CSMD3: variants seen among roughly 807,000 people sequenced by gnomAD.
CSMD3 encodes CUB and Sushi multiple domains 3.
A neutral mutation model predicts 435.2 loss-of-function variants in CSMD3; 177 were observed. The ratio of observed to expected loss-of-function variants is 0.41; its 90% confidence interval spans 0.36 to 0.46. The LOEUF is 0.46. Ranked by LOEUF, CSMD3 falls within the 20% of genes least tolerant of loss-of-function variation. The pLI, the probability that CSMD3 is intolerant of heterozygous loss-of-function variation, is 0.34. For missense variants in CSMD3, 4,265 were observed against 4,504.6 expected, an observed-to-expected ratio of 0.95 and a Z score of 1.52; for synonymous variants, 1,656 against 1,520.5, an observed-to-expected ratio of 1.09 and a Z score of -2.07.
In CSMD3 at chr8:112,717,103, A is replaced by C. The variant is rs201150552; in HGVS notation, c.1973-27053T>G. ...TTAAGCTAAAGAGCTTCTGCACAGC[A>C]AAAGAAACTATCATCAGAGTGAACA... On this transcript the variant is annotated intron_variant, in intron 13 of 70. Transcript: ENST00000297405. Among the ~76,000 whole-genome samples, 5 of 152,310 alleles carry C rather than the reference A, an allele frequency of 3.3e-5. No individual in the cohort carries two copies. The East Asian group carries it at 9.7e-4, about 29-fold the overall frequency.
At chr8:113,341,672 C>A (rs934492237) in intron 1 of CSMD3, among the ~76,000 whole-genome samples, 1 of 151,908 alleles carries the variant, frequency 6.6e-6, no homozygotes, top group Non-Finnish European at 1.5e-5. Context: ...ATTTGATTCC[C>A]GAAGGAGTTA....
chr8:113,220,394 C>A (rs541086870), intron 3 of CSMD3, among the ~76,000 whole-genome samples: 2 of 151,506 alleles, frequency 1.3e-5, no homozygotes, highest in African/African-American at 4.8e-5. Flanking sequence ...AAGACAGTCA[C>A]AAGCATACAG....
At chr8:112,622,042 G>A (rs2131519786) in intron 22 of CSMD3, among the ~76,000 whole-genome samples, 1 of 152,074 alleles carries the variant, frequency 6.6e-6, no homozygotes, top group South Asian at 2.1e-4. Flanking sequence ...TAAAAGCAGT[G>A]GAAGAACACA....
chr8:112,277,571 C>T (rs537858423), intron 59 of CSMD3, among the ~76,000 whole-genome samples: 1 of 152,178 alleles, frequency 6.6e-6, no homozygotes, highest in Non-Finnish European at 1.5e-5. Context: ...AGTTCCAAAG[C>T]CACTTCTACA....
intron 1 of CSMD3, among the ~76,000 whole-genome samples, chr8:113,409,767 G>A (rs1236027290): frequency 6.6e-6 from 1 of 151,962 alleles, no homozygotes; most frequent in East Asian, 1.9e-4. Flanking sequence ...ACCTATTTGT[G>A]TTCTGGATCA....
intron 3 of CSMD3, among the ~76,000 whole-genome samples, chr8:113,249,104 T>TCTTA (rs2093309750): frequency 6.6e-6 from 1 of 151,934 alleles, no homozygotes; most frequent in Non-Finnish European, 1.5e-5. Flanking sequence ...GATCTAATGG[T>TCTTA]CTTAATATGG....
intron 8 of CSMD3, among the ~76,000 whole-genome samples, chr8:112,954,007 T>C (rs1314222485): frequency 6.6e-6 from 1 of 151,428 alleles, no homozygotes; most frequent in East Asian, 1.9e-4. Context: ...ACTACAAAAA[T>C]ACATAGCTCT....
intron 32 of CSMD3, among the ~76,000 whole-genome samples, chr8:112,424,933 GC>G (rs1488310134): frequency 6.6e-6 from 1 of 152,150 alleles, no homozygotes; most frequent in East Asian, 1.9e-4. Flanking sequence ...CTTGCGGTCT[GC>G]CCACCTCAGC....
intron 42 of CSMD3, among the ~76,000 whole-genome samples, chr8:112,340,214 A>G (rs1185047890): frequency 1.3e-5 from 2 of 152,230 alleles, no homozygotes; most frequent in Non-Finnish European, 2.9e-5. Flanking sequence ...GCAGCAAAGA[A>G]GAGAAATTCA....
chr8:112,433,178 A>C (rs555826816), intron 32 of CSMD3, among the ~76,000 whole-genome samples: 1 of 152,136 alleles, frequency 6.6e-6, no homozygotes, highest in African/African-American at 2.4e-5. Context: ...AAATAAATGT[A>C]TACAGTAGGC....
chr8:113,376,527 TG>T (rs2094384035), intron 1 of CSMD3: 1 of 555,600 alleles, frequency 1.8e-6, no homozygotes, highest in African/African-American at 1.9e-5. Flanking sequence ...TTCTGTCTTC[TG>T]TCTTTTCTGT....
chr8:113,369,458 G>A (rs902614434), intron 1 of CSMD3, among the ~76,000 whole-genome samples: 2 of 151,892 alleles, frequency 1.3e-5, no homozygotes, highest in Admixed American at 6.6e-5. Context: ...TGTTGGTGTG[G>A]ACGTAAGTCA....
At chr8:113,368,509 T>TG (rs1333030775) in intron 1 of CSMD3, among the ~76,000 whole-genome samples, 2 of 152,136 alleles carry the variant, frequency 1.3e-5, no homozygotes, top group Admixed American at 6.6e-5. Context: ...TAGAGGAATA[T>TG]GGATAAATAT....
chr8:113,368,891 T>C (rs1229724790), intron 1 of CSMD3, among the ~76,000 whole-genome samples: 1 of 152,112 alleles, frequency 6.6e-6, no homozygotes, highest in Non-Finnish European at 1.5e-5. Context: ...TATCTGCAAT[T>C]GCTGAGAATA....
chr8:112,556,405 A>C (rs1828122595), intron 25 of CSMD3, among the ~76,000 whole-genome samples: 1 of 151,992 alleles, frequency 6.6e-6, no homozygotes, highest in African/African-American at 2.4e-5. Flanking sequence ...AATAGGTAAT[A>C]ATTTTGTAAA....
intron 13 of CSMD3, among the ~76,000 whole-genome samples, chr8:112,796,533 T>C (rs1378201323): frequency 1.3e-5 from 2 of 152,094 alleles, no homozygotes; most frequent in Admixed American, 1.3e-4. Flanking sequence ...ATTATTGCTC[T>C]AATGTTCCTT....
At chr8:112,778,888 A>G (rs748234595) in intron 13 of CSMD3, among the ~76,000 whole-genome samples, 1 of 151,916 alleles carries the variant, frequency 6.6e-6, no homozygotes, top group Non-Finnish European at 1.5e-5. Flanking sequence ...ATAGGTAGCT[A>G]GTACTATCTC....
chr8:113,255,440 G>C (rs546618492), intron 3 of CSMD3, among the ~76,000 whole-genome samples: 1 of 152,070 alleles, frequency 6.6e-6, no homozygotes, highest in African/African-American at 2.4e-5. Context: ...ACAACTATGA[G>C]GAGTTAAAAA....
chr8:112,628,680 C>A (rs4262347), intron 22 of CSMD3, among the ~76,000 whole-genome samples: 73,138 of 151,888 alleles, frequency 0.48, 18,176 homozygotes, highest in African/African-American at 0.58. Flanking sequence ...TTACTTAAAG[C>A]TTTCTATATG....
Sources: gnomAD v4.1 joint callset for allele counts (sites outside exome capture counted in the v4.1 genomes callset) on GRCh38, gnomAD v4.1.1 for gene constraint, MANE v1.5 for transcripts, NCBI Gene and HGNC (gene_info 2026-07-23, HGNC 2026-07-21) for gene names.